Variants in NKAIN2 observed in about 807,000 individuals in gnomAD.
NKAIN2 encodes sodium/potassium-transporting ATPase subunit beta-1-interacting protein 2.
In NKAIN2, 14 loss-of-function variants were observed where a neutral mutation model predicts 32.6. That is an observed-to-expected ratio of 0.43 (90% CI 0.28 to 0.67). The LOEUF (loss-of-function observed/expected upper bound fraction) is 0.67. Ranked by LOEUF, NKAIN2 falls within the 30% of genes least tolerant of loss-of-function variation. The probability of loss-of-function intolerance (pLI) is 0.17; values close to 1 mark genes in which losing one functional copy is unlikely to be tolerated. For missense variants in NKAIN2, 198 were observed against 258.3 expected (o/e 0.77, Z 1.60); for synonymous variants, 80 against 87.2 (o/e 0.92, Z 0.46).
intron 1 of NKAIN2, among the ~76,000 whole-genome samples, chr6:124,256,382 A>T (rs867274205): frequency 7.2e-5 from 11 of 152,192 alleles, no homozygotes; most frequent in African/African-American, 2.7e-4. Flanking sequence ...GTACAATCTG[A>T]TCAATTTTAA....
At chr6:124,005,160 G>A (rs1490648416) in intron 1 of NKAIN2, among the ~76,000 whole-genome samples, 1 of 152,138 alleles carries the variant, frequency 6.6e-6, no homozygotes, top group Non-Finnish European at 1.5e-5. Context: ...GGGAGGTGGA[G>A]GTTGCAGTGA....
intron 1 of NKAIN2, among the ~76,000 whole-genome samples, chr6:124,187,673 G>A (rs543915181): frequency 7.2e-5 from 11 of 152,180 alleles, no homozygotes; most frequent in African/African-American, 1.4e-4. Context: ...TCTGTCTACC[G>A]TCCATTGCCT....
intron 3 of NKAIN2, among the ~76,000 whole-genome samples, chr6:124,356,969 T>G (rs1227317260): frequency 6.6e-6 from 1 of 152,192 alleles, no homozygotes; most frequent in African/African-American, 2.4e-5. Flanking sequence ...TGAGCAAAGC[T>G]GGCTGCACAA....
intron 2 of NKAIN2, among the ~76,000 whole-genome samples, chr6:124,330,530 A>C (rs560827473): frequency 6.6e-6 from 1 of 152,348 alleles, no homozygotes; most frequent in Admixed American, 6.5e-5. Context: ...CAGTCATGAC[A>C]TGAAGGCTGC....
At chr6:124,661,163 G>T (rs1784732102) in intron 4 of NKAIN2, among the ~76,000 whole-genome samples, 1 of 152,148 alleles carries the variant, frequency 6.6e-6, no homozygotes, top group South Asian at 2.1e-4. Context: ...GGTGCAAACA[G>T]GCACATTTGG....
At chr6:123,976,945 A>G (rs1395574802) in intron 1 of NKAIN2, among the ~76,000 whole-genome samples, 1 of 87,978 alleles carries the variant, frequency 1.1e-5, no homozygotes, top group Admixed American at 1.5e-4. Flanking sequence ...TCCTTAATGC[A>G]CCTGATAATT....
chr6:123,925,247 C>A (rs535242346), intron 1 of NKAIN2, among the ~76,000 whole-genome samples: 164 of 151,846 alleles, frequency 1.1e-3, no homozygotes, highest in African/African-American at 3.9e-3. Flanking sequence ...TTTTTTATAC[C>A]CAATGCTAAG....
chr6:124,590,476 C>T (rs1465411278), intron 3 of NKAIN2, among the ~76,000 whole-genome samples: 1 of 145,242 alleles, frequency 6.9e-6, no homozygotes, highest in Non-Finnish European at 1.5e-5. Context: ...AGGAAACATA[C>T]TGAGATCTCA....
chr6:124,696,650 G>A (rs779915140), intron 4 of NKAIN2, among the ~76,000 whole-genome samples: 39 of 152,022 alleles, frequency 2.6e-4, no homozygotes, highest in Non-Finnish European at 4.9e-4. Context: ...GTGTCACCCT[G>A]ACAAGTTAAA....
At chr6:123,888,489 A>G (rs943623101) in intron 1 of NKAIN2, among the ~76,000 whole-genome samples, 1 of 152,154 alleles carries the variant, frequency 6.6e-6, no homozygotes, top group Admixed American at 6.6e-5. Context: ...CTAAAACTTA[A>G]TAATGCTTAA....
intron 3 of NKAIN2, among the ~76,000 whole-genome samples, chr6:124,611,754 T>TA (rs1002391976): frequency 1.3e-5 from 2 of 152,150 alleles, no homozygotes; most frequent in African/African-American, 4.8e-5. Flanking sequence ...TACTAGAAGA[T>TA]ATTAGATGAT....
chr6:123,983,103 A>G (rs932548759), intron 1 of NKAIN2, among the ~76,000 whole-genome samples: 5 of 151,970 alleles, frequency 3.3e-5, no homozygotes, highest in Non-Finnish European at 7.4e-5. Context: ...TTGGCAGAGT[A>G]GTAGGGCTAT....
intron 5 of NKAIN2, among the ~76,000 whole-genome samples, chr6:124,812,375 A>C (rs934716507): frequency 6.6e-6 from 1 of 152,158 alleles, no homozygotes; most frequent in Non-Finnish European, 1.5e-5. Flanking sequence ...CTAAGAGTTT[A>C]TTTGGTAAAT....
chr6:123,813,846 G>A (rs998157538), intron 1 of NKAIN2, among the ~76,000 whole-genome samples: 2 of 149,150 alleles, frequency 1.3e-5, no homozygotes, highest in African/African-American at 4.9e-5. Flanking sequence ...TATATAAAGA[G>A]CTCTGGACCT....
intron 1 of NKAIN2, among the ~76,000 whole-genome samples, chr6:124,268,148 A>G (rs1300114146): frequency 6.6e-6 from 1 of 152,202 alleles, no homozygotes; most frequent in Admixed American, 6.5e-5. Flanking sequence ...TCGTGTAAAC[A>G]TACAATTCTA....
chr6:124,145,703 T>A (rs183312672), intron 1 of NKAIN2, among the ~76,000 whole-genome samples: 1 of 152,096 alleles, frequency 6.6e-6, no homozygotes. Context: ...GAAGGGGTTT[T>A]ACTGTGTTAG....
intron 1 of NKAIN2, among the ~76,000 whole-genome samples, chr6:124,229,513 T>TAGATAGAC: frequency 6.8e-6 from 1 of 148,090 alleles, no homozygotes; most frequent in Non-Finnish European, 1.5e-5. Context: ...GATAGATAGA[T>TAGATAGAC]AGATAGATAG....
intron 1 of NKAIN2, among the ~76,000 whole-genome samples, chr6:123,914,539 G>A (rs569399647): frequency 2.0e-5 from 3 of 152,140 alleles, no homozygotes; most frequent in South Asian, 4.2e-4. Context: ...GAGCTTCAAC[G>A]TACAAACCTT....
rs912929824 is a variant in NKAIN2, at chr6:124,666,715, A to G, written c.474+8329A>G. On this transcript the variant is annotated intron_variant, in intron 4 of 6. Transcript: ENST00000368417. ...CTGTGAGCAAAGTGCAAGAACTTAAACAGCCTCTAAAGTCAGATTACGTTT... is the reference window on the plus strand; with the variant it reads ...CTGTGAGCAAAGTGCAAGAACTTAAGCAGCCTCTAAAGTCAGATTACGTTT... 1.1e-4 allele frequency among the ~76,000 whole-genome samples: 16 copies of G among 152,108 alleles called. 1 individual carries two copies. The highest frequency in any genetic ancestry group is 2.2e-4 in the Non-Finnish European group (15 of 67,994).
Sources: allele counts gnomAD v4.1 joint callset (sites outside exome capture counted in the v4.1 genomes callset), GRCh38; gene constraint gnomAD v4.1.1; transcripts MANE v1.5; gene names NCBI Gene and HGNC (gene_info 2026-07-23, HGNC 2026-07-21).